The following FBH1 variants were observed in gnomAD, a reference collection of about 807,000 sequenced individuals.
The protein encoded by FBH1 is F-box DNA helicase 1.
Under a neutral mutation model 115.5 loss-of-function variants are expected in FBH1, and 43 were observed. The observed-to-expected ratio is 0.37, with a 90% CI of 0.29 to 0.48. The LOEUF (loss-of-function observed/expected upper bound fraction) is 0.48. FBH1 is among the 20% of genes least tolerant of loss of function. The pLI, the probability that FBH1 is intolerant of heterozygous loss-of-function variation, is 0.99. For synonymous variants in FBH1, 524 were observed against 507.8 expected (o/e 1.03, Z -0.43); for missense variants, 1,001 against 1,337.3 (o/e 0.75, Z 3.92).
chr10:5,898,745 T>G (rs1174469962), intron 1 of FBH1, among the ~76,000 whole-genome samples: 1 of 152,086 alleles, frequency 6.6e-6, no homozygotes, highest in African/African-American at 2.4e-5. Flanking sequence ...ACCTTGCGGG[T>G]GAGGATTTCA....
At chr10:5,919,262 G>C (rs1190999671) in intron 13 of FBH1, among the ~76,000 whole-genome samples, 1 of 152,180 alleles carries the variant, frequency 6.6e-6, no homozygotes, top group Non-Finnish European at 1.5e-5. Context: ...AAGAAGGACA[G>C]ATCACTTGAG....
In FBH1 at chr10:5,914,719, G is replaced by A. The variant is rs1386105299; in HGVS notation, c.1396+450G>A. On this transcript the variant is annotated intron_variant, in intron 8 of 20. Coordinates refer to ENST00000362091, the MANE Select transcript of FBH1 (RefSeq NM_178150.3). This position sits in a 1 kb window ranked among gnomAD's most constrained non-coding sequence, Gnocchi z 5.2. ...CAAGTGTCCTGCCTCAGTCAGCCAC[G>A]CCGATCCACTCACAGCCTCCTGAAG... Among the ~76,000 whole-genome samples the A allele has an allele frequency of 6.6e-6, 1 of 152,122 alleles. No individual in the cohort carries two copies. Among genetic ancestry groups the A allele is most frequent in the Non-Finnish European group, 1.5e-5 (1 of 68,028 alleles).
In FBH1 at chr10:5,928,961, G is replaced by T. The variant is rs376748002; in HGVS notation, c.2829+1420G>T. On this transcript the variant is annotated intron_variant, in intron 19 of 20. Transcript: ENST00000362091. ...TGCCTACTCTCGTGGGGTGAGCCGC[G>T]CCGTACTGCCCTATGTGCTCTGGGG... Among the ~76,000 whole-genome samples, 7 of 152,286 alleles carry T rather than the reference G, an allele frequency of 4.6e-5. No homozygotes were observed. In the South Asian group the frequency reaches 1.4e-3, roughly 32 times the overall value.
Position 5,915,362 on chromosome 10 carries a change from T to G in FBH1, c.1397-41T>G, listed in dbSNP as rs756658200. The G allele has an allele frequency of 6.2e-7, 1 of 1,607,770 alleles. No individual in the cohort carries two copies. Among genetic ancestry groups the G allele is most frequent in the Non-Finnish European group, 8.5e-7 (1 of 1,176,238 alleles). ...ATTGGGGATCCCTGGGCATGTCTTG[T>G]CTGGTCAGAGGGTCACCTCCTTTCC... On this transcript the variant is annotated intron_variant, in intron 8 of 20. Transcript: ENST00000362091. The surrounding 1 kb of genome is among the most constrained non-coding windows in gnomAD (Gnocchi z 5.2).
chr10:5,927,443 T>C lies in FBH1; in HGVS notation c.2731T>C (p.Ser911Pro), dbSNP rs746569068. 6.2e-7 allele frequency: 1 copy of C among 1,611,428 alleles called. No individual in the cohort carries two copies. The highest frequency in any genetic ancestry group is 1.1e-5 in the South Asian group (1 of 90,288). The change falls in exon 19 of 21, where the codon TCT (serine) becomes CCT (proline). Residue 911 changes from serine (S) to proline (P), a missense_variant. Physicochemically the swap from Ser to Pro is moderately conservative, Grantham distance 74. Transcript: ENST00000362091. ...QLPHFRVESFSEDEWNLLYVA... is the reference protein window; with the variant it reads ...QLPHFRVESFPEDEWNLLYVA... ...CCCTTTACTTTGTTTAGAGTCATTT[T>C]CTGAGGATGAATGGAATTTACTGTA...
intron 1 of FBH1, among the ~76,000 whole-genome samples, chr10:5,896,769 C>G (rs1286117632): frequency 2.0e-5 from 3 of 152,038 alleles, no homozygotes; most frequent in Non-Finnish European, 4.4e-5. Context: ...TGTGGTCATT[C>G]ACCACAGATA....
At chr10:5,912,663 T>G (rs1831674100) in intron 6 of FBH1, among the ~76,000 whole-genome samples, 1 of 152,216 alleles carries the variant, frequency 6.6e-6, no homozygotes, top group Non-Finnish European at 1.5e-5. Context: ...AAGAGTTTGC[T>G]GATGGCTGCC....
rs1417205525 is a variant in FBH1 at position 5,914,196 on chromosome 10, T to C, written c.1323T>C (p.Leu441=). Reference sequence around the variant, plus strand: ...ATTATAGCAAGAAAACCATCCAACTTACACATGAACAACAGCTGATTCTGA... The same window carrying C: ...ATTATAGCAAGAAAACCATCCAACTCACACATGAACAACAGCTGATTCTGA... ...SVWPGKKTIQ[L]THEQQLILNH... Residue 441 remains leucine (L), a synonymous_variant, in exon 8 of 21, where the codon CTT becomes CTC. Coordinates refer to ENST00000362091, the MANE Select transcript of FBH1 (RefSeq NM_178150.3). The surrounding 1 kb of genome is among the most constrained non-coding windows in gnomAD (Gnocchi z 5.2). The C allele has an allele frequency of 1.2e-6, 2 of 1,614,216 alleles. No individual in the cohort carries two copies. Among genetic ancestry groups the C allele is most frequent in the Non-Finnish European group, 1.7e-6 (2 of 1,180,012 alleles).
Position 5,936,617 on chromosome 10 carries a change from A to G in FBH1, c.2961+30A>G. On this transcript the variant is annotated intron_variant, in intron 20 of 20. Coordinates refer to ENST00000362091, the MANE Select transcript of FBH1 (RefSeq NM_178150.3). The surrounding 1 kb of genome is among the most constrained non-coding windows in gnomAD (Gnocchi z 5.6). ...GTCTGCTGTCTGTGGAACTTAATTCAGCCATTTGCATTTTTTGCTTGTGAG... is the reference window on the plus strand; with the variant it reads ...GTCTGCTGTCTGTGGAACTTAATTCGGCCATTTGCATTTTTTGCTTGTGAG... 2 of 1,609,290 alleles carry G rather than the reference A, an allele frequency of 1.2e-6. No individual in the cohort carries two copies. Among genetic ancestry groups the G allele is most frequent in the Non-Finnish European group, 1.7e-6 (2 of 1,176,162 alleles).
At chr10:5,920,864 G>A (rs998918818) in intron 13 of FBH1, among the ~76,000 whole-genome samples, 9 of 152,166 alleles carry the variant, frequency 5.9e-5, no homozygotes, top group Admixed American at 1.3e-4. Context: ...AGGGCAGCAC[G>A]GACAATGTGC....
Position 5,913,040 on chromosome 10 carries a change from C to T in FBH1, c.1212-707C>T, listed in dbSNP as rs996764258. On this transcript the variant is annotated intron_variant, in intron 6 of 20. Coordinates refer to ENST00000362091, the MANE Select transcript of FBH1 (RefSeq NM_178150.3). This position sits in a 1 kb window ranked among gnomAD's most constrained non-coding sequence, Gnocchi z 4.4. ...GCAGTGCACTCGATTGTTGGGGGAG[C>T]GAGTCCAAGCTCACCCCCGGTCTCC... Among the ~76,000 whole-genome samples the T allele has an allele frequency of 1.3e-5, 2 of 152,066 alleles. No individual in the cohort carries two copies. Among genetic ancestry groups the T allele is most frequent in the African/African-American group, 4.8e-5 (2 of 41,398 alleles).
Position 5,917,765 on chromosome 10 carries a change from A to T in FBH1, c.1963+89A>T, listed in dbSNP as rs1832060477. 1 of 987,068 alleles carries T rather than the reference A, an allele frequency of 1.0e-6. No homozygotes were observed. The highest frequency in any genetic ancestry group is 1.6e-5 in the African/African-American group (1 of 62,112). 61.1% of individuals were successfully genotyped at this position (987,068 alleles called of 1,614,324 possible). A position where few individuals can be genotyped will look rare whatever the true frequency, so the allele number is the denominator to read the frequency against. ...GAGGACACCTGTGTGAACTAAGTTG[A>T]TTATTATTATTTGTGATAAAGAAGA... On this transcript the variant is annotated intron_variant, in intron 12 of 20. Coordinates refer to ENST00000362091, the MANE Select transcript of FBH1 (RefSeq NM_178150.3). This position sits in a 1 kb window ranked among gnomAD's most constrained non-coding sequence, Gnocchi z 5.6.
At chr10:5,902,910 G>A in intron 1 of FBH1, 110 bp from the exon 2 acceptor site, 1 of 1,082,686 alleles carries the variant, frequency 9.2e-7, no homozygotes, top group Non-Finnish European at 1.3e-6. Flanking sequence ...CTGGGGTGTT[G>A]ACAAAATCGT....
At position 5,900,217 on chromosome 10, in the gene FBH1, TAA is replaced by T. The variant is rs1843256103; in HGVS notation, c.2-2801_2-2800del. 6.6e-6 allele frequency among the ~76,000 whole-genome samples: 1 copy of T among 152,244 alleles called. No homozygotes were observed. Among genetic ancestry groups the T allele is most frequent in the African/African-American group, 2.4e-5 (1 of 41,470 alleles). Reference sequence around the variant, plus strand: ...GGCAGGCTACTCACATAAGCCTTGTTAAATAGAGGAAACAGGTAAGTTTGTAT... The same window carrying T: ...GGCAGGCTACTCACATAAGCCTTGTTATAGAGGAAACAGGTAAGTTTGTAT... On this transcript the variant is annotated intron_variant, in intron 1 of 20. Transcript: ENST00000362091. The surrounding 1 kb of genome is among the most constrained non-coding windows in gnomAD (Gnocchi z 4.2).
Position 5,933,087 on chromosome 10 carries a change from T to C in FBH1, c.2830-3369T>C, listed in dbSNP as rs759269989. On this transcript the variant is annotated intron_variant, in intron 19 of 20. Transcript: ENST00000362091. This position sits in a 1 kb window ranked among gnomAD's most constrained non-coding sequence, Gnocchi z 4.9. ...TATCACTTTAGAGTCCCACCAGTTG[T>C]ATGCATAAGAGTGAAATAGGCCCGG... is the stretch of plus-strand genomic sequence containing the variant. 6.6e-6 allele frequency among the ~76,000 whole-genome samples: 1 copy of C among 152,122 alleles called. No individual in the cohort carries two copies. Among genetic ancestry groups the C allele is most frequent in the African/African-American group, 2.4e-5 (1 of 41,436 alleles).
At position 5,936,766 on chromosome 10, in the gene FBH1, C is replaced by G. The variant is rs967001156; in HGVS notation, c.2961+179C>G. The G allele has an allele frequency of 1.3e-6, 1 of 772,538 alleles. No homozygotes were observed. The highest frequency in any genetic ancestry group is 2.0e-6 in the Non-Finnish European group (1 of 494,646). 47.9% of individuals were successfully genotyped at this position (772,538 alleles called of 1,614,324 possible). On this transcript the variant is annotated intron_variant, in intron 20 of 20. Coordinates refer to ENST00000362091, the MANE Select transcript of FBH1 (RefSeq NM_178150.3). The surrounding 1 kb of genome is among the most constrained non-coding windows in gnomAD (Gnocchi z 5.6). ...TGTCCCAGGGTCAGAGGTCAGGGCA[C>G]GTGATGCTGCCTGGCTGTGCTGAAG...
In FBH1 at chr10:5,918,499, G is replaced by C; in HGVS notation, c.2100+21G>C. 6.5e-7 allele frequency: 1 copy of C among 1,545,254 alleles called. No individual in the cohort carries two copies. The highest frequency in any genetic ancestry group is 8.7e-7 in the Non-Finnish European group (1 of 1,150,128). On this transcript the variant is annotated intron_variant, in intron 13 of 20. Transcript: ENST00000362091. This position sits in a 1 kb window ranked among gnomAD's most constrained non-coding sequence, Gnocchi z 4.0. ...CGCAGGTAAGTGCGCACTCTGCATG[G>C]GAGGCATTGCATCTCTCTCCCAATG...
chr10:5,918,904 A>G lies in FBH1; in HGVS notation c.2100+426A>G, dbSNP rs1009123742. On this transcript the variant is annotated intron_variant, in intron 13 of 20. Coordinates refer to ENST00000362091, the MANE Select transcript of FBH1 (RefSeq NM_178150.3). The surrounding 1 kb of genome is among the most constrained non-coding windows in gnomAD (Gnocchi z 4.0). ...AATTAAAATGTTGGCAAACTCTCCC[A>G]TAATGAATGTGACAACTCACAGTGT... Among the ~76,000 whole-genome samples, 1 of 152,270 alleles carries G rather than the reference A, an allele frequency of 6.6e-6. No homozygotes were observed. The highest frequency in any genetic ancestry group is 2.4e-5 in the African/African-American group (1 of 41,480).
chr10:5,894,270 G>A (rs1354653232), intron 1 of FBH1: 1 of 1,429,258 alleles, frequency 7.0e-7, no homozygotes, highest in East Asian at 2.5e-5. Context: ...ACAGCATTTA[G>A]TGGTATTTTC....
Sources: allele counts gnomAD v4.1 joint callset (sites outside exome capture counted in the v4.1 genomes callset), GRCh38; gene constraint gnomAD v4.1.1; non-coding constraint Gnocchi (gnomAD v3.1); transcripts MANE v1.5; gene names NCBI Gene and HGNC (gene_info 2026-07-23, HGNC 2026-07-21).